Variants in EFCAB14 observed in about 807,000 individuals in gnomAD.
EFCAB14 encodes EF-hand calcium-binding domain-containing protein 14.
EFCAB14 carries 43 observed loss-of-function variants against 56.5 expected under a neutral mutation model. The observed-to-expected ratio is 0.76, with a 90% CI of 0.60 to 0.98. EFCAB14 has a LOEUF of 0.98. Ranked by LOEUF, EFCAB14 falls within the 50% of genes least tolerant of loss-of-function variation. EFCAB14 has a pLI of 0.00. For missense variants in EFCAB14, 538 were observed against 580.3 expected, an observed-to-expected ratio of 0.93 and a Z score of 0.75; for synonymous variants, 235 against 212.9, an observed-to-expected ratio of 1.10 and a Z score of -0.90.
chr1:46,710,310 A>G (rs1677290843), intron 2 of EFCAB14, among the ~76,000 whole-genome samples: 1 of 152,208 alleles, frequency 6.6e-6, no homozygotes, highest in Non-Finnish European at 1.5e-5. Flanking sequence ...CATATCCATC[A>G]TCTCAAACAT....
In EFCAB14 at chr1:46,677,636, C is replaced by A. The variant is rs1454556371; in HGVS notation, c.*825G>T. 1.3e-5 allele frequency: 2 copies of A among 151,998 alleles called. No homozygotes were observed. Among genetic ancestry groups the A allele is most frequent in the Non-Finnish European group, 1.5e-5 (1 of 68,024 alleles). The allele number at this position is 151,998 out of a possible 1,614,324, so 9.4% of individuals were successfully genotyped here. A position where few individuals can be genotyped will look rare whatever the true frequency, so the allele number is the denominator to read the frequency against. On this transcript the variant is annotated 3_prime_UTR_variant, in exon 11 of 11. Transcript: ENST00000371933. Reference sequence around the variant, plus strand: ...CTCACTCAGCAGGGAAAATGGAGCTCCCCAATGGATAACTTTTTATGCTCA... The same window carrying A: ...CTCACTCAGCAGGGAAAATGGAGCTACCCAATGGATAACTTTTTATGCTCA...
chr1:46,678,582 TAG>T lies in EFCAB14; in HGVS notation c.1365_1366del (p.Tyr456ProfsTer21). The T allele has an allele frequency of 6.2e-7, 1 of 1,614,128 alleles. No individual in the cohort carries two copies. The highest frequency in any genetic ancestry group is 8.5e-7 in the Non-Finnish European group (1 of 1,180,012). On this transcript the variant is annotated frameshift_variant, in exon 11 of 11. Transcript: ENST00000371933. LOFTEE classifies it high-confidence loss of function. Reference sequence around the variant, plus strand: ...ACCTAGGGAGGTCCAGATTTCCTGGTAGGTCAGCTTCCCATCCACGTCCTGGC... The same window carrying T: ...ACCTAGGGAGGTCCAGATTTCCTGGTGTCAGCTTCCCATCCACGTCCTGGC...
At chr1:46,712,498 G>GA (rs918464754) in intron 2 of EFCAB14, among the ~76,000 whole-genome samples, 6 of 149,212 alleles carry the variant, frequency 4.0e-5, no homozygotes, top group East Asian at 2.0e-4. Flanking sequence ...AAAAAAAAAA[G>GA]AAAAAAAAAG....
chr1:46,684,746 T>C (rs1381780292), intron 8 of EFCAB14, 144 bp from the exon 9 acceptor site: 2 of 641,700 alleles, frequency 3.1e-6, no homozygotes, highest in African/African-American at 1.8e-5. Context: ...TGAATCAACA[T>C]ATACTGGTGA....
At chr1:46,708,588 TA>T (rs1370140095) in intron 2 of EFCAB14, among the ~76,000 whole-genome samples, 1 of 152,206 alleles carries the variant, frequency 6.6e-6, no homozygotes, top group Non-Finnish European at 1.5e-5. Flanking sequence ...TCTAAATGCT[TA>T]AATCTTTTTC....
intron 2 of EFCAB14, among the ~76,000 whole-genome samples, chr1:46,711,288 A>G (rs187385297): frequency 1.2e-3 from 184 of 152,356 alleles, no homozygotes; most frequent in African/African-American, 4.3e-3. Flanking sequence ...GTTAGGTTAT[A>G]AAGAAAAACT....
At chr1:46,710,176 TATA>T (rs1437212167) in intron 2 of EFCAB14, among the ~76,000 whole-genome samples, 1 of 152,206 alleles carries the variant, frequency 6.6e-6, no homozygotes, top group Non-Finnish European at 1.5e-5. Flanking sequence ...AGGGCTTCAT[TATA>T]ATGACAGACT....
intron 2 of EFCAB14, among the ~76,000 whole-genome samples, chr1:46,711,140 G>A (rs573188521): frequency 1.2e-4 from 19 of 152,180 alleles, no homozygotes; most frequent in Middle Eastern, 3.4e-3. Flanking sequence ...ATTTCCTTTT[G>A]CCCAGTAGTT....
chr1:46,695,539 A>G (rs1677066785), intron 4 of EFCAB14, among the ~76,000 whole-genome samples: 1 of 152,216 alleles, frequency 6.6e-6, no homozygotes, highest in Admixed American at 6.5e-5. Flanking sequence ...AGACCCTGGC[A>G]CATAATCTGA....
chr1:46,682,512 C>G (rs892602805), intron 10 of EFCAB14, among the ~76,000 whole-genome samples: 5 of 152,136 alleles, frequency 3.3e-5, no homozygotes, highest in African/African-American at 1.2e-4. Context: ...TTGGAGGGCC[C>G]TGACAAACAG....
chr1:46,700,986 A>AGTGAGTGTGTGTGTGTGTGTGT (rs145670885), intron 3 of EFCAB14, among the ~76,000 whole-genome samples: 1 of 142,844 alleles, frequency 7.0e-6, no homozygotes, highest in Non-Finnish European at 1.5e-5. Context: ...AGAGTGAGTG[A>AGTGAGTGTGTGTGTGTGTGTGT]GTGTGTGTGT....
intron 5 of EFCAB14, among the ~76,000 whole-genome samples, chr1:46,690,388 T>C (rs1676972075): frequency 6.6e-6 from 1 of 152,194 alleles, no homozygotes; most frequent in Non-Finnish European, 1.5e-5. Context: ...AGGATTACCA[T>C]TGGCAGCTAT....
At position 46,717,893 on chromosome 1, in the gene EFCAB14, C is replaced by A. The variant is rs79170960; in HGVS notation, c.185+10G>T. ...GCCTTCTTCCCATTCCACCTTTCAC[C>A]ACTACTCACTTGGCAAAGCGAGAGC... On this transcript the variant is annotated intron_variant, in intron 1 of 10. Transcript: ENST00000371933. 3,556 of 1,611,266 alleles carry A rather than the reference C, an allele frequency of 2.2e-3. 65 individuals are homozygous for A. In the African/African-American group the frequency reaches 0.042, roughly 19 times the overall value.
intron 9 of EFCAB14, 71 bp from the exon 10 acceptor site, chr1:46,683,496 C>T (rs748932375): frequency 7.4e-6 from 11 of 1,486,518 alleles, no homozygotes; most frequent in Non-Finnish European, 1.0e-5. Flanking sequence ...TATCGAAGGT[C>T]ACCTTTTAGG....
At chr1:46,694,865 T>C (rs1677055611) in intron 4 of EFCAB14, among the ~76,000 whole-genome samples, 1 of 152,166 alleles carries the variant, frequency 6.6e-6, no homozygotes, top group African/African-American at 2.4e-5. Context: ...TAAGAAAACA[T>C]GGCAGATATA....
At chr1:46,716,521 G>T in intron 1 of EFCAB14, 78 bp from the exon 2 acceptor site, 2 of 1,526,260 alleles carry the variant, frequency 1.3e-6, no homozygotes, top group Non-Finnish European at 1.8e-6. Context: ...TACACGTTTT[G>T]CCATGCAATT....
intron 4 of EFCAB14, among the ~76,000 whole-genome samples, chr1:46,695,931 C>G (rs934132617): frequency 1.2e-4 from 18 of 152,128 alleles, no homozygotes; most frequent in African/African-American, 4.1e-4. Context: ...CCTCCTGGCT[C>G]AGCCTCCCAA....
At chr1:46,717,852 G>T in intron 1 of EFCAB14, 51 bp downstream of exon 1, 1 of 1,568,108 alleles carries the variant, frequency 6.4e-7, no homozygotes, top group Non-Finnish European at 8.7e-7. Flanking sequence ...GTGGCCCCTT[G>T]GTAGTGCAAG....
rs1484681332 is a variant in EFCAB14 at position 46,718,026 on chromosome 1, TTC to T, written c.60_61del (p.Lys21AlafsTer14). On this transcript the variant is annotated frameshift_variant, in exon 1 of 11. Coordinates refer to ENST00000371933, the MANE Select transcript of EFCAB14 (RefSeq NM_014774.3). LOFTEE classifies it high-confidence loss of function. ...GTGACTGCTTGGGCCTTTCTTGGGC[TTC>T]TTTCTCCGGCTGTCCCCAGCCAAAC... 6.2e-7 allele frequency: 1 copy of T among 1,614,258 alleles called. No homozygotes were observed. The highest frequency in any genetic ancestry group is 1.7e-5 in the Admixed American group (1 of 60,038).
Sources: allele counts gnomAD v4.1 joint callset (sites outside exome capture counted in the v4.1 genomes callset), GRCh38; gene constraint gnomAD v4.1.1; transcripts MANE v1.5; gene names NCBI Gene and HGNC (gene_info 2026-07-23, HGNC 2026-07-21).